PPP6R3: variants seen among roughly 807,000 people sequenced by gnomAD.
The protein encoded by PPP6R3 is serine/threonine-protein phosphatase 6 regulatory subunit 3.
A neutral mutation model predicts 110.7 loss-of-function variants in PPP6R3; 38 were observed. The ratio of observed to expected loss-of-function variants is 0.34; its 90% confidence interval spans 0.26 to 0.45. The LOEUF (loss-of-function observed/expected upper bound fraction) is 0.45. Ranked by LOEUF, PPP6R3 falls within the 20% of genes least tolerant of loss-of-function variation. The pLI, the probability that PPP6R3 is intolerant of heterozygous loss-of-function variation, is 1.00. For synonymous variants in PPP6R3, 369 were observed against 373.5 expected, an observed-to-expected ratio of 0.99 and a Z score of 0.14; for missense variants, 870 against 1,062.4, an observed-to-expected ratio of 0.82 and a Z score of 2.52.
rs559041370 is a variant in PPP6R3, at chr11:68,567,545, C to T, written c.1128+379C>T. ...GGAGGTATCTGTATAACGTACCTGA[C>T]GCCATATGGTCTTAATTGATTTGAG... On this transcript the variant is annotated intron_variant, in intron 10 of 23. Transcript: ENST00000393800. 1.2e-4 allele frequency among the ~76,000 whole-genome samples: 19 copies of T among 152,150 alleles called. 1 individual carries two copies. The highest frequency in any genetic ancestry group is 5.2e-4 in the Admixed American group (8 of 15,282).
chr11:68,564,202 G>C, intron 8 of PPP6R3, 101 bp from the exon 9 acceptor site: 1 of 1,252,016 alleles, frequency 8.0e-7, no homozygotes, highest in South Asian at 1.5e-5. Flanking sequence ...CCCGCAGCCA[G>C]AAAAGTTGAT....
At chr11:68,542,411 T>TTCTTTTTTTTTTTA (rs1244450813) in intron 3 of PPP6R3, among the ~76,000 whole-genome samples, 1 of 141,882 alleles carries the variant, frequency 7.0e-6, no homozygotes, top group African/African-American at 2.7e-5. Context: ...TTTTTTTTTT[T>TTCTTTTTTTTTTTA]AAGACAGAGT....
chr11:68,547,297 A>G (rs1448827609), intron 4 of PPP6R3, among the ~76,000 whole-genome samples: 1 of 152,080 alleles, frequency 6.6e-6, no homozygotes, highest in Non-Finnish European at 1.5e-5. Context: ...ATCCTGTTAT[A>G]TAGCAGCTGC....
chr11:68,594,323 A>T (rs2099605839), intron 18 of PPP6R3, among the ~76,000 whole-genome samples: 2 of 136,164 alleles, frequency 1.5e-5, no homozygotes, highest in African/African-American at 5.9e-5. Context: ...AGAGAGAAAA[A>T]GAGAGAGAGA....
chr11:68,469,975 A>G (rs1017838948), intron 1 of PPP6R3, among the ~76,000 whole-genome samples: 1 of 152,234 alleles, frequency 6.6e-6, no homozygotes, highest in East Asian at 1.9e-4. Context: ...CCTTTAGACA[A>G]TGTAAATGGA....
At chr11:68,463,826 C>G (rs2098725935) in intron 1 of PPP6R3, among the ~76,000 whole-genome samples, 1 of 152,134 alleles carries the variant, frequency 6.6e-6, no homozygotes, top group African/African-American at 2.4e-5. Context: ...CCCCCCTCAC[C>G]CCCCAGGAAA....
intron 9 of PPP6R3, among the ~76,000 whole-genome samples, chr11:68,564,932 A>G (rs994222980): frequency 1.3e-5 from 2 of 152,176 alleles, no homozygotes; most frequent in African/African-American, 2.4e-5. Flanking sequence ...TTCCTCAGTG[A>G]AGACCCACAA....
intron 4 of PPP6R3, among the ~76,000 whole-genome samples, chr11:68,547,467 T>G (rs1281947649): frequency 6.6e-6 from 1 of 152,208 alleles, no homozygotes; most frequent in Non-Finnish European, 1.5e-5. Flanking sequence ...GGGCCTGATT[T>G]CCGTGGCCAT....
intron 6 of PPP6R3, 31 bp from the exon 7 acceptor site, chr11:68,554,114 T>C (rs763539803): frequency 6.8e-7 from 1 of 1,469,694 alleles, no homozygotes; most frequent in Non-Finnish European, 9.4e-7. Flanking sequence ...CTAACATGTT[T>C]TATGGTTAAA....
intron 18 of PPP6R3, among the ~76,000 whole-genome samples, chr11:68,595,200 ATTTTTTT>A (rs71043443): frequency 2.8e-4 from 23 of 81,174 alleles, no homozygotes; most frequent in South Asian, 1.0e-3. Flanking sequence ...CATAAAAATA[ATTTTTTT>A]TTTTTTTTTT....
chr11:68,537,901 T>A lies in PPP6R3; in HGVS notation c.227+10T>A. ...AAAAGATCAGATACAAGTAAGACAA[T>A]TCAATCTTCTCTGTAGAGTGGGACT... On this transcript the variant is annotated intron_variant, in intron 3 of 23. Transcript: ENST00000393800. 6.3e-7 allele frequency: 1 copy of A among 1,581,682 alleles called. No individual in the cohort carries two copies. Among genetic ancestry groups the A allele is most frequent in the Non-Finnish European group, 8.7e-7 (1 of 1,152,008 alleles).
intron 3 of PPP6R3, 39 bp from the exon 4 acceptor site, chr11:68,544,797 CTG>C (rs1182065687): frequency 7.4e-7 from 1 of 1,349,952 alleles, no homozygotes; most frequent in Non-Finnish European, 1.0e-6. Flanking sequence ...TGTAATTAAA[CTG>C]TTAATAAAGA....
chr11:68,569,805 A>C lies in PPP6R3; in HGVS notation c.1186A>C (p.Ile396Leu), dbSNP rs1249432243. ...TTTGCATACACAAGTGGAAATTTGT[A>C]TTGCACTGATTCTTGCAAGTCCTTT... is the stretch of plus-strand genomic sequence containing the variant. ...NFLHTQVEIC[I>L]ALILASPFEN... The change falls in exon 11 of 24, where the codon ATT (isoleucine) becomes CTT (leucine). Residue 396 changes from isoleucine (I) to leucine (L), a missense_variant. Physicochemically the swap from Ile to Leu is conservative, Grantham distance 5. Transcript: ENST00000393800. The C allele has an allele frequency of 1.9e-6, 3 of 1,610,102 alleles. No individual in the cohort carries two copies. The South Asian group carries it at 3.3e-5, about 18-fold the overall frequency.
intron 1 of PPP6R3, among the ~76,000 whole-genome samples, chr11:68,467,313 A>C (rs2098755467): frequency 6.6e-6 from 1 of 152,384 alleles, no homozygotes; most frequent in Admixed American, 6.5e-5. Flanking sequence ...CAGTGGAAAT[A>C]CATAGTGACT....
At chr11:68,515,126 G>C (rs2099129364) in intron 1 of PPP6R3, 1 of 152,266 alleles carries the variant, frequency 6.6e-6, no homozygotes, top group South Asian at 2.1e-4. Context: ...TGGGGGCCCA[G>C]GTGCTTCGGG....
intron 1 of PPP6R3, among the ~76,000 whole-genome samples, chr11:68,490,820 C>G (rs1236102276): frequency 6.6e-6 from 1 of 152,140 alleles, no homozygotes; most frequent in East Asian, 1.9e-4. Flanking sequence ...ATTTCCATCT[C>G]TCTGCTTATG....
intron 19 of PPP6R3, among the ~76,000 whole-genome samples, chr11:68,598,285 AT>A (rs2099620196): frequency 6.6e-6 from 1 of 152,174 alleles, no homozygotes. Flanking sequence ...GCCGAATGAC[AT>A]TCTGGAATCT....
At chr11:68,555,302 T>G (rs2099395010) in intron 7 of PPP6R3, among the ~76,000 whole-genome samples, 1 of 152,196 alleles carries the variant, frequency 6.6e-6, no homozygotes, top group Admixed American at 6.5e-5. Context: ...TGATATTAAT[T>G]AGGTTGAACC....
intron 1 of PPP6R3, among the ~76,000 whole-genome samples, chr11:68,502,581 G>A (rs936902779): frequency 1.3e-5 from 2 of 152,178 alleles, no homozygotes; most frequent in Non-Finnish European, 2.9e-5. Context: ...GCACACTCCA[G>A]TTTACCTTAT....
Sources: allele counts gnomAD v4.1 joint callset (sites outside exome capture counted in the v4.1 genomes callset), GRCh38; gene constraint gnomAD v4.1.1; transcripts MANE v1.5; gene names NCBI Gene and HGNC (gene_info 2026-07-23, HGNC 2026-07-21).